The following TRABD2A variants were observed in gnomAD, a reference collection of about 807,000 sequenced individuals.
TRABD2A encodes the protein TraB domain containing 2A, also known as metalloprotease TIKI1.
In TRABD2A, 43 loss-of-function variants were observed where a neutral mutation model predicts 45.6. The ratio of observed to expected loss-of-function variants is 0.94; its 90% confidence interval spans 0.74 to 1.22. TRABD2A has a LOEUF of 1.22. Among genes scored for constraint, TRABD2A ranks in the 50% most tolerant of loss-of-function variants. The pLI is 0.00. For missense variants in TRABD2A, 642 were observed against 652.4 expected, an observed-to-expected ratio of 0.98 and a Z score of 0.17; for synonymous variants, 269 against 265.0, an observed-to-expected ratio of 1.02 and a Z score of -0.15.
intron 2 of TRABD2A, among the ~76,000 whole-genome samples, chr2:84,845,546 C>A (rs949833810): frequency 6.8e-5 from 10 of 146,928 alleles, no homozygotes; most frequent in African/African-American, 2.4e-4. Context: ...GGCCTGGGAA[C>A]AGCAAAGTTG....
chr2:84,870,212 AAG>A lies in TRABD2A; in HGVS notation c.669+11_669+12del, dbSNP rs1482414146. 3 of 1,591,030 alleles carry A rather than the reference AAG, an allele frequency of 1.9e-6. No individual in the cohort carries two copies. In the South Asian group the frequency reaches 3.4e-5, roughly 18 times the overall value. On this transcript the variant is annotated intron_variant, in intron 2 of 6. Transcript: ENST00000409520. ...CAAATGCCACTAAGTCTTTTATGCA[AAG>A]AGAGTCTTACCTGTGAAAAGTTCAA...
chr2:84,828,425 C>T (rs1236411007), intron 5 of TRABD2A, among the ~76,000 whole-genome samples: 6 of 152,278 alleles, frequency 3.9e-5, no homozygotes, highest in Non-Finnish European at 8.8e-5. Context: ...AGATGGCTGC[C>T]GAGGAGGGGA....
At chr2:84,843,332 C>T (rs370955658) in intron 2 of TRABD2A, among the ~76,000 whole-genome samples, 49 of 152,254 alleles carry the variant, frequency 3.2e-4, no homozygotes, top group African/African-American at 1.2e-3. Flanking sequence ...TTCAACTCTC[C>T]AGAGACAACG....
In TRABD2A at chr2:84,823,937, A is replaced by T. The variant is rs373807078; in HGVS notation, c.1334+16T>A. On this transcript the variant is annotated intron_variant, in intron 6 of 6. Coordinates refer to ENST00000409520, the MANE Select transcript of TRABD2A (RefSeq NM_001277053.2). ...GTAAAGGTGGATGCCAACCCGACCC[A>T]GCCTACTCGCCTGACCTCTCCTCCA... is the stretch of plus-strand genomic sequence containing the variant. 48 of 1,612,538 alleles carry T rather than the reference A, an allele frequency of 3.0e-5. No homozygotes were observed. The African/African-American group carries it at 5.3e-4, about 18-fold the overall frequency.
chr2:84,878,761 TC>T (rs1683111682), intron 1 of TRABD2A, among the ~76,000 whole-genome samples: 1 of 152,088 alleles, frequency 6.6e-6, no homozygotes, highest in Non-Finnish European at 1.5e-5. Flanking sequence ...GGAGGCTGGA[TC>T]CCAGGACTTC....
intron 1 of TRABD2A, 42 bp from the exon 2 acceptor site, chr2:84,870,827 G>A (rs1386474444): frequency 5.3e-6 from 8 of 1,496,818 alleles, no homozygotes; most frequent in Non-Finnish European, 6.3e-6. Flanking sequence ...ATATGGGGGA[G>A]AGGCATGGTC....
At chr2:84,846,774 G>T (rs1173279352) in intron 2 of TRABD2A, among the ~76,000 whole-genome samples, 1 of 152,232 alleles carries the variant, frequency 6.6e-6, no homozygotes, top group African/African-American at 2.4e-5. Flanking sequence ...AGACTCCTTG[G>T]AGAAAGACCC....
At chr2:84,840,706 C>T (rs6719802) in intron 3 of TRABD2A, among the ~76,000 whole-genome samples, 36,742 of 152,166 alleles carry the variant, frequency 0.24, 4,514 homozygotes, top group Middle Eastern at 0.3. Flanking sequence ...TTTCTCCCCC[C>T]TTCCCTACCC....
chr2:84,856,845 C>T (rs568754967), intron 2 of TRABD2A, among the ~76,000 whole-genome samples: 19 of 152,296 alleles, frequency 1.2e-4, no homozygotes, highest in African/African-American at 4.1e-4. Flanking sequence ...ATTGTGTCCC[C>T]GCCAAAGGTC....
intron 5 of TRABD2A, among the ~76,000 whole-genome samples, chr2:84,829,974 C>T (rs1681278548): frequency 6.6e-6 from 1 of 150,522 alleles, no homozygotes; most frequent in Non-Finnish European, 1.5e-5. Context: ...CTCACACACA[C>T]CACACACCAG....
Position 84,870,148 on chromosome 2 carries a change from A to G in TRABD2A, c.669+77T>C. 4 of 1,398,364 alleles carry G rather than the reference A, an allele frequency of 2.9e-6. No individual in the cohort carries two copies. In the South Asian group the frequency reaches 5.5e-5, roughly 19 times the overall value. 86.6% of individuals were successfully genotyped at this position (1,398,364 alleles called of 1,614,324 possible). A position where few individuals can be genotyped will look rare whatever the true frequency, so the allele number is the denominator to read the frequency against. ...TCTAGACAAGCTGTGCCCGTGATCC[A>G]TCACCTGCCCTGAAACTCAACAGAT... On this transcript the variant is annotated intron_variant, in intron 2 of 6. Coordinates refer to ENST00000409520, the MANE Select transcript of TRABD2A (RefSeq NM_001277053.2).
At chr2:84,856,500 C>T (rs1682311601) in intron 2 of TRABD2A, among the ~76,000 whole-genome samples, 3 of 152,060 alleles carry the variant, frequency 2.0e-5, no homozygotes, top group African/African-American at 4.8e-5. Flanking sequence ...AGCAGGGAAG[C>T]GCTTCTCAAA....
chr2:84,832,818 G>GC (rs931013810), intron 4 of TRABD2A: 4 of 142,834 alleles, frequency 2.8e-5, no homozygotes, highest in African/African-American at 6.1e-5. Context: ...AAAAAAGGAG[G>GC]GGGGGGAATT....
intron 1 of TRABD2A, among the ~76,000 whole-genome samples, chr2:84,874,253 G>A (rs1412730902): frequency 2.0e-5 from 3 of 152,186 alleles, no homozygotes; most frequent in Non-Finnish European, 4.4e-5. Flanking sequence ...ACTGAAAACT[G>A]ATTAAATTTA....
At chr2:84,822,273 C>G (rs1681024117) in intron 6 of TRABD2A, among the ~76,000 whole-genome samples, 173 bp from the exon 7 acceptor site, 1 of 152,154 alleles carries the variant, frequency 6.6e-6, no homozygotes, top group Non-Finnish European at 1.5e-5. Flanking sequence ...TGTCTTTGGC[C>G]ACTGCTACCA....
chr2:84,829,324 G>A (rs970639549), intron 5 of TRABD2A, among the ~76,000 whole-genome samples: 25 of 151,282 alleles, frequency 1.7e-4, no homozygotes, highest in African/African-American at 5.9e-4. Flanking sequence ...GCAGGTGTCA[G>A]GGTTAGAGGC....
At chr2:84,867,449 G>A (rs1682717686) in intron 2 of TRABD2A, among the ~76,000 whole-genome samples, 1 of 152,152 alleles carries the variant, frequency 6.6e-6, no homozygotes, top group South Asian at 2.1e-4. Flanking sequence ...ATGGATTAAA[G>A]ACTTAAATGT....
intron 2 of TRABD2A, among the ~76,000 whole-genome samples, chr2:84,866,024 T>C (rs1472757017): frequency 1.3e-5 from 2 of 152,200 alleles, no homozygotes; most frequent in Non-Finnish European, 1.5e-5. Context: ...ATGTCTGCCC[T>C]GAGATGACAA....
At chr2:84,876,511 G>C (rs1031127527) in intron 1 of TRABD2A, among the ~76,000 whole-genome samples, 2 of 152,328 alleles carry the variant, frequency 1.3e-5, no homozygotes, top group South Asian at 4.1e-4. Context: ...AAGAATTTGA[G>C]AACTGACCTC....
Sources: gnomAD v4.1 joint callset for allele counts (sites outside exome capture counted in the v4.1 genomes callset) on GRCh38, gnomAD v4.1.1 for gene constraint, MANE v1.5 for transcripts, NCBI Gene and HGNC (gene_info 2026-07-23, HGNC 2026-07-21) for gene names.